CEP131: variants seen among roughly 807,000 people sequenced by gnomAD.
CEP131 encodes centrosomal protein of 131 kDa.
A neutral mutation model predicts 136.8 loss-of-function variants in CEP131; 99 were observed. That is an observed-to-expected ratio of 0.72 (90% CI 0.62 to 0.86). The LOEUF (loss-of-function observed/expected upper bound fraction) is 0.86, where lower values mean the gene tolerates loss of function less well. Ranked by LOEUF, CEP131 falls within the 40% of genes least tolerant of loss-of-function variation. The pLI, the probability that CEP131 is intolerant of heterozygous loss-of-function variation, is 0.00. For missense variants in CEP131, 1,459 were observed against 1,463.0 expected, an observed-to-expected ratio of 1.00 and a Z score of 0.04; for synonymous variants, 646 against 612.7, an observed-to-expected ratio of 1.05 and a Z score of -0.80.
Position 81,191,029 on chromosome 17 carries a change from C to T in CEP131, c.2821G>A (p.Glu941Lys). 1 of 1,610,848 alleles carries T rather than the reference C, an allele frequency of 6.2e-7. No individual in the cohort carries two copies. The highest frequency in any genetic ancestry group is 8.5e-7 in the Non-Finnish European group (1 of 1,179,822). The change falls in exon 23 of 26, where the codon GAG (glutamate) becomes AAG (lysine). Residue 941 changes from glutamate (E) to lysine (K), a missense_variant. By Grantham distance (56) the Glu-to-Lys change is moderately conservative. This residue lies in a region of CEP131 where 1,026 missense variants were observed against 964.2 expected (regional missense o/e 1.06). Transcript: ENST00000450824. ...GAGCACCGCTCCTGAAGCTTCCGCT[C>T]CGACTGCTCCAGCTCGGAGAGCTCG... ...EAELSELEQS[E>K]RKLQERCSEL...
At chr17:81,193,481 C>G (rs1365320488) in intron 18 of CEP131, among the ~76,000 whole-genome samples, 1 of 152,186 alleles carries the variant, frequency 6.6e-6, no homozygotes, top group Non-Finnish European at 1.5e-5. Context: ...ACGTCCCCAG[C>G]CCCCAGGGCT....
At chr17:81,216,094 T>G (rs1016341380) in intron 2 of CEP131, among the ~76,000 whole-genome samples, 1 of 152,028 alleles carries the variant, frequency 6.6e-6, no homozygotes, top group Non-Finnish European at 1.5e-5. Flanking sequence ...GTGTGGTGGC[T>G]CACACCTGTA....
At chr17:81,198,832 T>TA (rs1567859277) in intron 11 of CEP131, 45 bp downstream of exon 11, 1 of 1,543,274 alleles carries the variant, frequency 6.5e-7, no homozygotes, top group Admixed American at 2.0e-5. Context: ...ACATGGCCCT[T>TA]AAAGCCAAAA....
rs2062228935 is a variant in CEP131, at chr17:81,215,615, T to C, written c.177+4265A>G. Among the ~76,000 whole-genome samples, 1 of 35,668 alleles carries C rather than the reference T, an allele frequency of 2.8e-5. No individual in the cohort carries two copies. The highest frequency in any genetic ancestry group is 1.1e-4 in the Non-Finnish European group (1 of 9,162). The allele number at this position is 35,668 out of a possible 152,430, so 23.4% of individuals were successfully genotyped here. A position where few individuals can be genotyped will look rare whatever the true frequency, so the allele number is the denominator to read the frequency against. On this transcript the variant is annotated intron_variant, in intron 2 of 25. Coordinates refer to ENST00000450824, the MANE Select transcript of CEP131 (RefSeq NM_014984.4). The surrounding 1 kb of genome is among the most constrained non-coding windows in gnomAD (Gnocchi z 4.1). ...TTAGTAGAGACGAGGTTTCACCGTG[T>C]TGGCCAGGCTGGTCTCGAACTCCTG...
intron 24 of CEP131, 129 bp downstream of exon 24, chr17:81,190,510 T>C (rs113234192): frequency 0.068 from 83,333 of 1,219,896 alleles, 4,500 homozygotes; most frequent in African/African-American, 0.26. Flanking sequence ...CCAGCCTCTG[T>C]CTACAGGGCC....
At position 81,196,802 on chromosome 17, in the gene CEP131, G is replaced by A. The variant is rs150527009; in HGVS notation, c.1798C>T (p.Arg600Trp). 5.4e-5 allele frequency: 86 copies of A among 1,591,788 alleles called. No individual in the cohort carries two copies. Among genetic ancestry groups the A allele is most frequent in the Middle Eastern group, 5.0e-4 (3 of 6,024 alleles). ...GCCTTCTCTGTCTCCTTGACCCGCCGGGCCGTGAGGTCTCGCTGCTGCGCC... is the reference window on the plus strand; with the variant it reads ...GCCTTCTCTGTCTCCTTGACCCGCCAGGCCGTGAGGTCTCGCTGCTGCGCC... ...ALAQQRDLTA[R>W]RVKETEKALS... Residue 600 changes from arginine (R) to tryptophan (W), a missense_variant, in exon 15 of 26, where the codon CGG (arginine) becomes TGG (tryptophan). By Grantham distance (101) the Arg-to-Trp change is moderately radical (BLOSUM62 -3). Coordinates refer to ENST00000450824, the MANE Select transcript of CEP131 (RefSeq NM_014984.4).
At chr17:81,210,834 A>G (rs1350564853) in intron 2 of CEP131, among the ~76,000 whole-genome samples, 10 of 151,146 alleles carry the variant, frequency 6.6e-5, no homozygotes. Context: ...AAGACCAAAA[A>G]AAAAAAAAAA....
intron 4 of CEP131, 55 bp downstream of exon 4, chr17:81,207,070 C>T: frequency 2.6e-6 from 4 of 1,567,782 alleles, no homozygotes; most frequent in Non-Finnish European, 3.5e-6. Context: ...AATTAGGAAC[C>T]AGGCCACAAT....
chr17:81,207,137 G>A lies in CEP131; in HGVS notation c.375C>T (p.Thr125=). 6.2e-7 allele frequency: 1 copy of A among 1,612,832 alleles called. No individual in the cohort carries two copies. The highest frequency in any genetic ancestry group is 1.7e-5 in the Admixed American group (1 of 59,686). The change falls in exon 4 of 26, where the codon ACC becomes ACT. Residue 125 remains threonine, a synonymous_variant. Coordinates refer to ENST00000450824, the MANE Select transcript of CEP131 (RefSeq NM_014984.4). ...TGCACCACCTTACCAGGACGTTCCA[G>A]GTGGCTCCCTTCTCGCTGGGGGCTG... The part of the protein sequence containing the change: ...LSTAPSEKGA[T]WNVLDDQPRG...
In CEP131 at chr17:81,194,036, C is replaced by T. The variant is rs570281707; in HGVS notation, c.2211G>A (p.Ser737=). Residue 737 remains serine, a synonymous_variant, in exon 18 of 26, where the codon TCG becomes TCA. Coordinates refer to ENST00000450824, the MANE Select transcript of CEP131 (RefSeq NM_014984.4). ...GGCAGCGCTGCGAGGCCCGCTCATC[C>T]GACTGCAGCAGCTCCGCCTCGTGCA... is the stretch of plus-strand genomic sequence containing the variant. ...KSLHEAELLQ[S]DERASQRCLR... is the part of the protein sequence containing the mutation. 13 of 1,580,524 alleles carry T rather than the reference C, an allele frequency of 8.2e-6. No homozygotes were observed. Among genetic ancestry groups the T allele is most frequent in the East Asian group, 2.3e-5 (1 of 43,500 alleles).
chr17:81,190,666 T>G lies in CEP131; in HGVS notation c.3080A>C (p.Gln1027Pro). 6.3e-7 allele frequency: 1 copy of G among 1,598,458 alleles called. No individual in the cohort carries two copies. Among genetic ancestry groups the G allele is most frequent in the Middle Eastern group, 2.0e-4 (1 of 5,110 alleles). ...CCGGTGCACCTCCTCCAGCTCCAGC[T>G]GCTGGCGGGCCTGCAGCGTGGCCAG... ...AELATLQARQQLELEEVHRRV... is the reference protein window; with the variant it reads ...AELATLQARQPLELEEVHRRV... Residue 1027 changes from glutamine to proline, a missense_variant, in exon 24 of 26, where the codon CAG becomes CCG. Around this residue, in one of 3 missense-constraint regions of CEP131, gnomAD observed 1,026 missense variants for 964.2 expected, o/e 1.06. Transcript: ENST00000450824.
Position 81,197,856 on chromosome 17 carries a change from G to C in CEP131, c.1503C>G (p.Asn501Lys). Residue 501 changes from asparagine to lysine, a missense_variant, in exon 13 of 26, where the codon AAC (asparagine) becomes AAG (lysine). Physicochemically the swap from Asn to Lys is moderately conservative, Grantham distance 94. Around this residue, in one of 3 missense-constraint regions of CEP131, gnomAD observed 1,026 missense variants for 964.2 expected, o/e 1.06. Coordinates refer to ENST00000450824, the MANE Select transcript of CEP131 (RefSeq NM_014984.4). ...EDDASSLTAD[N>K]LEKFGKLSAF... is the part of the protein sequence containing the mutation. ...CACTGAGTTTTCCAAATTTCTCCAA[G>C]TTGTCAGCTGTCAGAGAGCTGGCGT... 1 of 1,613,074 alleles carries C rather than the reference G, an allele frequency of 6.2e-7. No individual in the cohort carries two copies. Among genetic ancestry groups the C allele is most frequent in the Non-Finnish European group, 8.5e-7 (1 of 1,179,894 alleles).
In CEP131 at chr17:81,203,518, G is replaced by C. The variant is rs1006878000; in HGVS notation, c.605C>G (p.Ser202Cys). 3.1e-6 allele frequency: 5 copies of C among 1,607,136 alleles called. No individual in the cohort carries two copies. The highest frequency in any genetic ancestry group is 4.2e-6 in the Non-Finnish European group (5 of 1,177,624). ...PSERAPPLKS[S>C]NQTAPSLNNI... ...CTTGAGGGAGGGGGCAGTCTGGTTG[G>C]AGCTCTTGAGCGGAGGCGCCCTCTC... Residue 202 changes from serine to cysteine, a missense_variant, in exon 6 of 26, where the codon TCC becomes TGC. By Grantham distance (112) the Ser-to-Cys change is moderately radical (BLOSUM62 -1). Transcript: ENST00000450824. This position sits in a 1 kb window ranked among gnomAD's most constrained non-coding sequence, Gnocchi z 4.6.
chr17:81,192,288 C>A (rs1270953783), intron 21 of CEP131, 30 bp downstream of exon 21: 4 of 1,544,452 alleles, frequency 2.6e-6, no homozygotes, highest in Admixed American at 2.0e-5. Flanking sequence ...AGCCCCCAAC[C>A]CCTGCCCACC....
chr17:81,213,499 C>T (rs1321395342), intron 2 of CEP131, among the ~76,000 whole-genome samples: 1 of 151,176 alleles, frequency 6.6e-6, no homozygotes, highest in Non-Finnish European at 1.5e-5. Flanking sequence ...GCGGAGATTG[C>T]AGTGAGCCAA....
Position 81,197,956 on chromosome 17 carries a change from G to C in CEP131, c.1471-68C>G. 4 of 1,561,934 alleles carry C rather than the reference G, an allele frequency of 2.6e-6. No individual in the cohort carries two copies. The Admixed American group carries it at 5.3e-5, about 21-fold the overall frequency. ...TGAGGACTTGGGTTCCCCAAAGGCA[G>C]AGGTGGCAGCTGAGGCTGGGCTCTG... On this transcript the variant is annotated intron_variant, in intron 12 of 25. Coordinates refer to ENST00000450824, the MANE Select transcript of CEP131 (RefSeq NM_014984.4).
chr17:81,216,336 G>T (rs1040312788), intron 2 of CEP131, among the ~76,000 whole-genome samples: 8 of 152,038 alleles, frequency 5.3e-5, no homozygotes, highest in African/African-American at 1.9e-4. Context: ...TCCAGCCTGG[G>T]CAAAAAGAGC....
chr17:81,192,574 C>T lies in CEP131; in HGVS notation c.2449G>A (p.Glu817Lys). 3 of 1,608,514 alleles carry T rather than the reference C, an allele frequency of 1.9e-6. No homozygotes were observed. The highest frequency in any genetic ancestry group is 2.5e-6 in the Non-Finnish European group (3 of 1,179,438). ...QAARQRAELEELRQQLEESSS... is the reference protein window; with the variant it reads ...QAARQRAELEKLRQQLEESSS... ...CTCTCCTCCAGCTGCTGCCTCAGCT[C>T]TTCCAGCTCCGCCCGCTGCCTGCGG... The change falls in exon 20 of 26, where the codon GAG becomes AAG. Residue 817 changes from glutamate to lysine, a missense_variant. This residue lies in a region of CEP131 where 1,026 missense variants were observed against 964.2 expected (regional missense o/e 1.06). Transcript: ENST00000450824.
At position 81,191,069 on chromosome 17, in the gene CEP131, C is replaced by T; in HGVS notation, c.2781G>A (p.Arg927=). The part of the protein sequence containing the change: ...KAAESRIKRL[R]DKYEAELSEL... ...CGGAGAGCTCGGCCTCGTACTTGTC[C>T]CGTAAGCGCTTGATGCTGGAGGTGG... The change falls in exon 23 of 26, where the codon CGG becomes CGA. Residue 927 remains arginine (R), a synonymous_variant. Transcript: ENST00000450824. 1 of 1,605,158 alleles carries T rather than the reference C, an allele frequency of 6.2e-7. No individual in the cohort carries two copies.
Sources: gnomAD v4.1 joint callset for allele counts (sites outside exome capture counted in the v4.1 genomes callset) on GRCh38, gnomAD v4.1.1 for gene constraint, gnomAD v4.1.1 regional missense constraint, Gnocchi (gnomAD v3.1) non-coding constraint, MANE v1.5 for transcripts, NCBI Gene and HGNC (gene_info 2026-07-23, HGNC 2026-07-21) for gene names.